EXOC2: variants seen among roughly 807,000 people sequenced by gnomAD.
The protein encoded by EXOC2 is exocyst complex component 2.
Under a neutral mutation model 131.8 loss-of-function variants are expected in EXOC2, and 70 were observed. The ratio of observed to expected loss-of-function variants is 0.53; its 90% CI spans 0.44 to 0.65. The LOEUF is 0.65. EXOC2 is among the 30% of genes least tolerant of loss of function. The probability of loss-of-function intolerance (pLI) is 0.00; values close to 1 mark genes in which losing one functional copy is unlikely to be tolerated. For missense variants in EXOC2, 923 were observed against 1,108.6 expected, an observed-to-expected ratio of 0.83 and a Z score of 2.38; for synonymous variants, 411 against 398.4, an observed-to-expected ratio of 1.03 and a Z score of -0.38.
chr6:675,585 C>G lies in EXOC2; in HGVS notation c.-44+17434G>C, dbSNP rs1221553253. 4.1e-3 allele frequency among the ~76,000 whole-genome samples: 104 copies of G among 25,162 alleles called. 3 individuals carry two copies. The highest frequency in any genetic ancestry group is 7.7e-3 in the African/African-American group (85 of 11,064). The allele number at this position is 25,162 out of a possible 152,430, so 16.5% of individuals were successfully genotyped here. A position where few individuals can be genotyped will look rare whatever the true frequency, so the allele number is the denominator to read the frequency against. On this transcript the variant is annotated intron_variant, in intron 1 of 27. Transcript: ENST00000230449. ...CTCTTCAACATTACGGAAAGGACAG[C>G]CTCCTCTGGCAACTGCGGTTCCCCA...
At chr6:687,550 C>A (rs76617600) in intron 1 of EXOC2, among the ~76,000 whole-genome samples, 5,990 of 152,166 alleles carry the variant, frequency 0.039, 185 homozygotes, top group African/African-American at 0.084. Context: ...TGACTAGTCA[C>A]CCAGATCCTC....
At chr6:537,454 G>A (rs899706504) in intron 22 of EXOC2, among the ~76,000 whole-genome samples, 2 of 150,852 alleles carry the variant, frequency 1.3e-5, no homozygotes, top group Non-Finnish European at 2.9e-5. Context: ...GCGTACACTC[G>A]AGTTGATGGC....
intron 1 of EXOC2, chr6:656,427 G>A (rs771703594): frequency 3.7e-6 from 6 of 1,613,306 alleles, no homozygotes; most frequent in Middle Eastern, 1.7e-4. Flanking sequence ...GCCCACGTTC[G>A]CCATCCTCTC....
intron 7 of EXOC2, among the ~76,000 whole-genome samples, chr6:602,560 A>G (rs1337595535): frequency 6.6e-6 from 1 of 152,206 alleles, no homozygotes; most frequent in African/African-American, 2.4e-5. Flanking sequence ...TCAGTGTCCA[A>G]CCACAGAACA....
intron 17 of EXOC2, among the ~76,000 whole-genome samples, 175 bp from the exon 18 acceptor site, chr6:556,739 T>C (rs1426547630): frequency 6.6e-6 from 1 of 152,188 alleles, no homozygotes; most frequent in African/African-American, 2.4e-5. Flanking sequence ...TTGGCATATG[T>C]TTTGTACTTC....
intron 23 of EXOC2, among the ~76,000 whole-genome samples, chr6:511,557 C>T (rs1561799767): frequency 2.0e-5 from 3 of 152,234 alleles, no homozygotes; most frequent in Non-Finnish European, 4.4e-5. Context: ...TGGCCTTGCA[C>T]CCTGTTGGGA....
chr6:686,105 G>C (rs973629589), intron 1 of EXOC2, among the ~76,000 whole-genome samples: 9 of 151,808 alleles, frequency 5.9e-5, no homozygotes, highest in African/African-American at 2.2e-4. Context: ...GGGATTACAG[G>C]CATGCGCCAC....
In EXOC2 at chr6:538,796, G is replaced by A. The variant is rs552281212; in HGVS notation, c.2239-6186C>T. On this transcript the variant is annotated intron_variant, in intron 22 of 27. Coordinates refer to ENST00000230449, the MANE Select transcript of EXOC2 (RefSeq NM_018303.6). ...CACTGTAAGTAGAAAATATCTGGCCGGGCACAGTGGCTCACGCCTATAATC... is the reference window on the plus strand; with the variant it reads ...CACTGTAAGTAGAAAATATCTGGCCAGGCACAGTGGCTCACGCCTATAATC... Among the ~76,000 whole-genome samples the A allele has an allele frequency of 1.1e-4, 16 of 152,300 alleles. 2 individuals are homozygous for A. In the South Asian group the frequency reaches 2.3e-3, roughly 22 times the overall value.
intron 3 of EXOC2, among the ~76,000 whole-genome samples, chr6:632,367 C>T (rs549020162): frequency 7.8e-4 from 118 of 152,160 alleles, no homozygotes; most frequent in African/African-American, 2.4e-3. Flanking sequence ...ACGCTGCTAA[C>T]GTAAGGCAGC....
chr6:600,737 A>C (rs1760085030), intron 7 of EXOC2, among the ~76,000 whole-genome samples: 1 of 148,708 alleles, frequency 6.7e-6, no homozygotes, highest in Admixed American at 6.6e-5. Context: ...ACTTATAATT[A>C]AATAAAATAG....
At chr6:685,869 C>G (rs201516018) in intron 1 of EXOC2, among the ~76,000 whole-genome samples, 1 of 98,240 alleles carries the variant, frequency 1.0e-5, no homozygotes, top group African/African-American at 4.0e-5. Flanking sequence ...TCCTGGACCT[C>G]TTTTTTTTTT....
chr6:565,723 C>T (rs573832169), intron 13 of EXOC2, among the ~76,000 whole-genome samples: 7 of 152,292 alleles, frequency 4.6e-5, no homozygotes, highest in South Asian at 4.1e-4. Flanking sequence ...CATGCCTTAT[C>T]GGTTAACGCA....
At chr6:687,702 A>C (rs1764727586) in intron 1 of EXOC2, among the ~76,000 whole-genome samples, 1 of 152,256 alleles carries the variant, frequency 6.6e-6, no homozygotes, top group Non-Finnish European at 1.5e-5. Context: ...TGAAGAAATG[A>C]CAGGAACAAG....
In EXOC2 at chr6:553,867, A is replaced by G; in HGVS notation, c.2108T>C (p.Phe703Ser). The change falls in exon 21 of 28, where the codon TTC becomes TCC. Residue 703 changes from phenylalanine (F) to serine (S), a missense_variant. Transcript: ENST00000230449. ...CGTCTGACTTACTGAGGTCAAGCTG[A>G]AGTCTTCATGGATACTTCCAAACAA... ...PDLFGSIHED[F>S]SLTSEQRLLI... 6.2e-7 allele frequency: 1 copy of G among 1,613,966 alleles called. No individual in the cohort carries two copies. Among genetic ancestry groups the G allele is most frequent in the Non-Finnish European group, 8.5e-7 (1 of 1,179,852 alleles).
chr6:558,865 T>G (rs1374857173), intron 17 of EXOC2, among the ~76,000 whole-genome samples: 1 of 151,956 alleles, frequency 6.6e-6, no homozygotes, highest in Non-Finnish European at 1.5e-5. Flanking sequence ...TCATGTGTGG[T>G]TGTTTAGATT....
chr6:488,932 T>G (rs1438760653), intron 27 of EXOC2, 47 bp downstream of exon 27: 1 of 1,566,648 alleles, frequency 6.4e-7, no homozygotes, highest in African/African-American at 1.4e-5. Flanking sequence ...AACAAAACCT[T>G]GTTGAGCACA....
chr6:672,506 T>C (rs1219516769), intron 1 of EXOC2, among the ~76,000 whole-genome samples: 2 of 152,238 alleles, frequency 1.3e-5, no homozygotes, highest in Non-Finnish European at 2.9e-5. Flanking sequence ...AAGCTGGATA[T>C]GCTGTATTGG....
chr6:615,857 T>C (rs1338916162), intron 6 of EXOC2, among the ~76,000 whole-genome samples: 1 of 152,164 alleles, frequency 6.6e-6, no homozygotes, highest in Non-Finnish European at 1.5e-5. Flanking sequence ...TTTGGACATA[T>C]CACCTATAAA....
chr6:615,733 A>G (rs556927986), intron 6 of EXOC2, among the ~76,000 whole-genome samples: 1 of 151,950 alleles, frequency 6.6e-6, no homozygotes, highest in East Asian at 1.9e-4. Context: ...AGAAAAAAAA[A>G]AAAAAAGAAA....
Sources: allele counts gnomAD v4.1 joint callset (sites outside exome capture counted in the v4.1 genomes callset), GRCh38; gene constraint gnomAD v4.1.1; transcripts MANE v1.5; gene names NCBI Gene and HGNC (gene_info 2026-07-23, HGNC 2026-07-21).